The following SPOCK3 variants were observed in gnomAD, a reference collection of about 807,000 sequenced individuals.
SPOCK3 encodes the protein SPARC (osteonectin), cwcv and kazal like domains proteoglycan 3, also known as testican-3.
A neutral mutation model predicts 56.6 loss-of-function variants in SPOCK3; 30 were observed. The observed-to-expected ratio is 0.53, with a 90% CI of 0.40 to 0.72. SPOCK3 has a LOEUF of 0.72. Among genes scored for constraint, SPOCK3 ranks in the 30% least tolerant of loss-of-function variants. SPOCK3 has a pLI of 0.00. For missense variants in SPOCK3, 527 were observed against 530.0 expected, an observed-to-expected ratio of 0.99 and a Z score of 0.06; for synonymous variants, 196 against 183.3, an observed-to-expected ratio of 1.07 and a Z score of -0.56.
intron 6 of SPOCK3, among the ~76,000 whole-genome samples, chr4:166,800,272 C>T (rs1022435250): frequency 6.7e-6 from 1 of 148,708 alleles, no homozygotes; most frequent in African/African-American, 2.5e-5. Context: ...GGTGCATTAT[C>T]TGATTACAAG....
At chr4:166,937,923 C>A (rs1740625549) in intron 4 of SPOCK3, among the ~76,000 whole-genome samples, 1 of 133,504 alleles carries the variant, frequency 7.5e-6, no homozygotes. Context: ...GCCACCACGC[C>A]CGGCTAATCT....
chr4:166,820,774 A>G (rs1744851798), intron 6 of SPOCK3, among the ~76,000 whole-genome samples: 1 of 151,978 alleles, frequency 6.6e-6, no homozygotes, highest in South Asian at 2.1e-4. Context: ...CAAGGAGTAG[A>G]GATCATGCCA....
At chr4:166,879,231 T>C (rs1733436369) in intron 6 of SPOCK3, among the ~76,000 whole-genome samples, 1 of 152,056 alleles carries the variant, frequency 6.6e-6, no homozygotes, top group Admixed American at 6.6e-5. Flanking sequence ...GGTTTACCAA[T>C]AAGAGTTATA....
intron 2 of SPOCK3, among the ~76,000 whole-genome samples, chr4:167,066,719 T>C (rs1048368394): frequency 5.3e-5 from 8 of 151,924 alleles, no homozygotes; most frequent in African/African-American, 1.9e-4. Flanking sequence ...TATGCCTTTA[T>C]ATTACTTATC....
At chr4:166,796,271 A>C (rs1377984592) in intron 6 of SPOCK3, among the ~76,000 whole-genome samples, 5 of 152,228 alleles carry the variant, frequency 3.3e-5, no homozygotes, top group Non-Finnish European at 7.3e-5. Context: ...TTATTAAAGA[A>C]TGAATATACT....
intron 6 of SPOCK3, among the ~76,000 whole-genome samples, chr4:166,805,682 C>A (rs1210999442): frequency 6.6e-6 from 1 of 152,020 alleles, no homozygotes; most frequent in Non-Finnish European, 1.5e-5. Context: ...CTATTACAAT[C>A]AATTCTAGTA....
At chr4:166,945,981 C>A (rs1036390780) in intron 4 of SPOCK3, among the ~76,000 whole-genome samples, 8 of 152,110 alleles carry the variant, frequency 5.3e-5, no homozygotes, top group African/African-American at 9.7e-5. Context: ...TCTCTTAAAC[C>A]CATTTCAATG....
At chr4:166,804,690 C>T (rs1261899561) in intron 6 of SPOCK3, among the ~76,000 whole-genome samples, 3 of 152,122 alleles carry the variant, frequency 2.0e-5, no homozygotes, top group African/African-American at 7.2e-5. Context: ...AATAATCACT[C>T]ATACTTGCCT....
chr4:166,764,806 A>G (rs1318514594), intron 7 of SPOCK3, among the ~76,000 whole-genome samples: 2 of 151,040 alleles, frequency 1.3e-5, no homozygotes, highest in Admixed American at 6.6e-5. Context: ...AGTCCCAGCA[A>G]CAGTGTAAAT....
At chr4:167,185,798 AT>A (rs913909454) in intron 2 of SPOCK3, among the ~76,000 whole-genome samples, 1 of 152,040 alleles carries the variant, frequency 6.6e-6, no homozygotes, top group African/African-American at 2.4e-5. Flanking sequence ...CAATGATAGG[AT>A]TTTTTTTGAA....
At chr4:166,946,350 A>C (rs1442514898) in intron 4 of SPOCK3, among the ~76,000 whole-genome samples, 1 of 152,170 alleles carries the variant, frequency 6.6e-6, no homozygotes, top group African/African-American at 2.4e-5. Context: ...TTACATAATC[A>C]GACTCTTATT....
intron 3 of SPOCK3, among the ~76,000 whole-genome samples, chr4:167,053,829 G>T (rs1412280738): frequency 1.3e-5 from 2 of 152,066 alleles, no homozygotes; most frequent in African/African-American, 4.8e-5. Context: ...AAAGACAGAA[G>T]GATGCTGATC....
chr4:166,869,120 G>A (rs1579482738), intron 6 of SPOCK3, among the ~76,000 whole-genome samples: 1 of 142,528 alleles, frequency 7.0e-6, no homozygotes. Flanking sequence ...TGACTCAACT[G>A]AGCAACCACA....
intron 4 of SPOCK3, among the ~76,000 whole-genome samples, chr4:166,941,175 T>C (rs773530424): frequency 6.6e-6 from 1 of 151,366 alleles, no homozygotes; most frequent in African/African-American, 2.4e-5. Flanking sequence ...CCAATCAATT[T>C]ATGCCTCCCA....
At chr4:167,021,956 T>TG (rs1751228543) in intron 3 of SPOCK3, among the ~76,000 whole-genome samples, 1 of 152,074 alleles carries the variant, frequency 6.6e-6, no homozygotes, top group East Asian at 1.9e-4. Context: ...TGCAGTACCC[T>TG]AATACTACCT....
chr4:166,866,363 A>G (rs888035865), intron 6 of SPOCK3, among the ~76,000 whole-genome samples: 3 of 152,220 alleles, frequency 2.0e-5, no homozygotes, highest in African/African-American at 7.2e-5. Flanking sequence ...TTCAGGACAT[A>G]GAAATGGGCA....
intron 6 of SPOCK3, among the ~76,000 whole-genome samples, chr4:166,856,160 GGGAGGA>G (rs144233724): frequency 2.7e-5 from 4 of 150,182 alleles, no homozygotes; most frequent in East Asian, 4.1e-4. Flanking sequence ...AGAGACTGAG[GGGAGGA>G]GGAGGAGGAG....
At chr4:167,214,513 A>T (rs1735177772) in intron 2 of SPOCK3, among the ~76,000 whole-genome samples, 1 of 152,134 alleles carries the variant, frequency 6.6e-6, no homozygotes, top group Non-Finnish European at 1.5e-5. Flanking sequence ...CTTAATATAC[A>T]TTAGATTATT....
At chr4:166,842,156 C>T (rs752706785) in intron 6 of SPOCK3, among the ~76,000 whole-genome samples, 6 of 152,126 alleles carry the variant, frequency 3.9e-5, no homozygotes, top group Non-Finnish European at 5.9e-5. Flanking sequence ...AGAGGCAGTG[C>T]GGACCCAAAG....
Sources: gnomAD v4.1 joint callset for allele counts (sites outside exome capture counted in the v4.1 genomes callset) on GRCh38, gnomAD v4.1.1 for gene constraint, MANE v1.5 for transcripts, NCBI Gene and HGNC (gene_info 2026-07-23, HGNC 2026-07-21) for gene names.